Variants in ZFYVE9 observed in about 807,000 individuals in gnomAD.
ZFYVE9 encodes zinc finger FYVE-type containing 9.
In ZFYVE9, 43 loss-of-function variants were observed where a neutral mutation model predicts 126.7. That is an observed-to-expected ratio of 0.34 (90% confidence interval 0.27 to 0.44). ZFYVE9 has a LOEUF of 0.44. Ranked by LOEUF, ZFYVE9 falls within the 20% of genes least tolerant of loss-of-function variation. The pLI is 1.00. For synonymous variants in ZFYVE9, 521 were observed against 597.4 expected (o/e 0.87, Z 1.87); for missense variants, 1,476 against 1,697.0 (o/e 0.87, Z 2.29).
In ZFYVE9 at chr1:52,263,762, C is replaced by CG. The variant is rs1553130213; in HGVS notation, c.2179-11_2179-10insG. The stretch of plus-strand genomic sequence containing the variant: ...AAATTTTGTGTGTTCTTCCCCCCCC[C>CG]CCCCCCACAGGTTTTCTGTGCTTCC... On this transcript the variant is annotated splice_polypyrimidine_tract_variant and intron_variant, in intron 4 of 18. Transcript: ENST00000287727. The CG allele has an allele frequency of 3.2e-6, 3 of 935,704 alleles. No homozygotes were observed. The highest frequency in any genetic ancestry group is 2.4e-5 in the Admixed American group (1 of 41,880). 58.0% of individuals were successfully genotyped at this position (935,704 alleles called of 1,614,324 possible).
intron 1 of ZFYVE9, among the ~76,000 whole-genome samples, chr1:52,205,791 A>G (rs663742): frequency 0.76 from 115,693 of 152,182 alleles, 47,929 homozygotes; most frequent in Non-Finnish European, 0.91. Flanking sequence ...CTGGAAGTCT[A>G]TGTATACTCT....
chr1:52,162,765 T>G (rs1644474562), intron 1 of ZFYVE9: 2 of 330,498 alleles, frequency 6.1e-6, no homozygotes, highest in Non-Finnish European at 1.2e-5. Flanking sequence ...TTCTGGTGTA[T>G]ATGAGCTACT....
At chr1:52,306,064 G>C (rs186354407) in intron 13 of ZFYVE9, among the ~76,000 whole-genome samples, 1 of 152,294 alleles carries the variant, frequency 6.6e-6, no homozygotes, top group East Asian at 1.9e-4. Context: ...CCAGGTCCCC[G>C]ATGAGGTTCC....
chr1:52,177,589 TG>T (rs148577064), intron 1 of ZFYVE9, among the ~76,000 whole-genome samples: 92 of 152,322 alleles, frequency 6.0e-4, no homozygotes, highest in African/African-American at 2.1e-3. Context: ...AAGGACTAGT[TG>T]GGAAGGCAAA....
chr1:52,248,464 C>T lies in ZFYVE9; in HGVS notation c.2178+8869C>T, dbSNP rs199783101. On this transcript the variant is annotated intron_variant, in intron 4 of 18. Transcript: ENST00000287727. ...TGAGAGTGGGTCTTCTTCTCCCAGT[C>T]CACTGACTCAAATGTCAGTCTCCTC... 1.4e-4 allele frequency among the ~76,000 whole-genome samples: 21 copies of T among 152,300 alleles called. No individual in the cohort carries two copies. In the East Asian group the frequency reaches 3.9e-3, roughly 28 times the overall value.
chr1:52,267,618 T>G (rs921432696), intron 6 of ZFYVE9, among the ~76,000 whole-genome samples: 1 of 152,180 alleles, frequency 6.6e-6, no homozygotes, highest in Non-Finnish European at 1.5e-5. Flanking sequence ...GATCATAGAC[T>G]TCTATTGACA....
At chr1:52,332,979 A>C (rs1409506004) in intron 14 of ZFYVE9, 61 bp downstream of exon 14, 4 of 1,593,744 alleles carry the variant, frequency 2.5e-6, no homozygotes, top group Non-Finnish European at 3.4e-6. Context: ...TTGGACAGTT[A>C]GATACCTCAG....
At chr1:52,226,132 T>C (rs1645168785) in intron 2 of ZFYVE9, among the ~76,000 whole-genome samples, 1 of 152,104 alleles carries the variant, frequency 6.6e-6, no homozygotes, top group South Asian at 2.1e-4. Context: ...CCTAATCTTA[T>C]TATGCAAACG....
At chr1:52,210,293 AC>A (rs1645015199) in intron 1 of ZFYVE9, among the ~76,000 whole-genome samples, 2 of 152,156 alleles carry the variant, frequency 1.3e-5, no homozygotes, top group South Asian at 4.1e-4. Flanking sequence ...CTGGAACCCT[AC>A]TTAGTAGCAG....
At chr1:52,234,920 A>G (rs905276296) in intron 3 of ZFYVE9, among the ~76,000 whole-genome samples, 1 of 152,196 alleles carries the variant, frequency 6.6e-6, no homozygotes, top group Non-Finnish European at 1.5e-5. Context: ...TATTACACCT[A>G]ATCATGTGAA....
chr1:52,155,219 GTTTTTCTTT>G (rs1278189201), intron 1 of ZFYVE9, among the ~76,000 whole-genome samples: 2 of 146,646 alleles, frequency 1.4e-5, no homozygotes, highest in Non-Finnish European at 3.0e-5. Context: ...ACCAGGAGCT[GTTTTTCTTT>G]TTTTTCTTTT....
At chr1:52,342,681 A>G (rs1250979594) in intron 17 of ZFYVE9, among the ~76,000 whole-genome samples, 2 of 151,808 alleles carry the variant, frequency 1.3e-5, no homozygotes, top group African/African-American at 4.8e-5. Flanking sequence ...GACTACAGGC[A>G]TGTGCCACTA....
At chr1:52,151,136 AG>A (rs1270950669) in intron 1 of ZFYVE9, among the ~76,000 whole-genome samples, 1 of 152,126 alleles carries the variant, frequency 6.6e-6, no homozygotes. Context: ...TTTGGTTCCA[AG>A]CTGATCATTC....
intron 12 of ZFYVE9, 76 bp downstream of exon 12, chr1:52,296,053 T>G: frequency 1.5e-6 from 2 of 1,371,818 alleles, no homozygotes; most frequent in African/African-American, 1.4e-5. Flanking sequence ...TTTATTATTT[T>G]CTTGGTAGCT....
chr1:52,167,437 C>T (rs983930618), intron 1 of ZFYVE9, among the ~76,000 whole-genome samples: 15 of 152,250 alleles, frequency 9.9e-5, no homozygotes, highest in African/African-American at 2.9e-4. Flanking sequence ...TGAAATTGCA[C>T]GTTGCCATGA....
At chr1:52,198,129 T>TG (rs1557451660) in intron 1 of ZFYVE9, among the ~76,000 whole-genome samples, 1 of 134,342 alleles carries the variant, frequency 7.4e-6, no homozygotes, top group Non-Finnish European at 1.6e-5. Context: ...TGTTTGTTTT[T>TG]TTTTTTTTTT....
rs551268216 is a variant in ZFYVE9 at position 52,291,326 on chromosome 1, G to A, written c.3026-2127G>A. Among the ~76,000 whole-genome samples, 8 of 152,300 alleles carry A rather than the reference G, an allele frequency of 5.3e-5. No homozygotes were observed. In the East Asian group the frequency reaches 1.3e-3, roughly 26 times the overall value. On this transcript the variant is annotated intron_variant, in intron 10 of 18. Transcript: ENST00000287727. ...ATGCAAAGACCCATAACCATTATAA[G>A]AATAAACTCTAGTTTTCAAGAAAAG...
At chr1:52,194,435 T>C (rs1263438457) in intron 1 of ZFYVE9, among the ~76,000 whole-genome samples, 1 of 152,074 alleles carries the variant, frequency 6.6e-6, no homozygotes, top group South Asian at 2.1e-4. Flanking sequence ...ATGATACATA[T>C]AAGGAATATT....
chr1:52,287,456 T>C (rs1645873172), intron 10 of ZFYVE9, among the ~76,000 whole-genome samples: 1 of 152,136 alleles, frequency 6.6e-6, no homozygotes, highest in African/African-American at 2.4e-5. Context: ...GGTTTCAATG[T>C]TTGTCCACTC....
Sources: gnomAD v4.1 joint callset for allele counts (sites outside exome capture counted in the v4.1 genomes callset) on GRCh38, gnomAD v4.1.1 for gene constraint, MANE v1.5 for transcripts, NCBI Gene and HGNC (gene_info 2026-07-23, HGNC 2026-07-21) for gene names.